JAG2: variants seen among roughly 807,000 people sequenced by gnomAD.
JAG2 encodes the protein protein jagged-2.
A neutral mutation model predicts 141.7 loss-of-function variants in JAG2; 46 were observed. The observed-to-expected ratio is 0.32, with a 90% CI of 0.26 to 0.42. JAG2 has a LOEUF of 0.42. Among genes scored for constraint, JAG2 ranks in the 10% least tolerant of loss-of-function variants. JAG2 has a pLI of 1.00. For synonymous variants in JAG2, 862 were observed against 763.5 expected, an observed-to-expected ratio of 1.13 and a Z score of -2.13; for missense variants, 1,500 against 1,817.5, an observed-to-expected ratio of 0.83 and a Z score of 3.18.
rs1888288139 is a variant in JAG2 at position 105,148,145 on chromosome 14, G to C, written c.2219C>G (p.Pro740Arg). 1.9e-6 allele frequency: 3 copies of C among 1,549,514 alleles called. No individual in the cohort carries two copies. Among genetic ancestry groups the C allele is most frequent in the African/African-American group, 1.4e-5 (1 of 73,000 alleles). ...SGDTFRCACPPGWKGSTCAVA... is the reference protein window; with the variant it reads ...SGDTFRCACPRGWKGSTCAVA... ...GGCGCAGGTGCTGCCCTTCCAGCCG[G>C]GGGGGCAGGCGCAGCGGAAGGTGTC... Residue 740 changes from proline to arginine, a missense_variant, in exon 17 of 26, where the codon CCC becomes CGC. Transcript: ENST00000331782.
At position 105,143,070 on chromosome 14, in the gene JAG2, C is replaced by A; in HGVS notation, c.3342G>T (p.Glu1114Asp). The change falls in exon 26 of 26, where the codon GAG becomes GAT. Residue 1114 changes from glutamate (E) to aspartate (D), a missense_variant. Around this residue, in one of 3 missense-constraint regions of JAG2, gnomAD observed 425 missense variants for 441.0 expected, o/e 0.96. Transcript: ENST00000331782. ...TCTCCTCCCGCGGCAGCCGGCTCCT[C>A]TCCCGCTCTTTCCTGCGCTTGCGTG... Reference protein sequence around the residue: ...WWTRKRRKERERSRLPREESA... With the variant: ...WWTRKRRKERDRSRLPREESA... 1 of 1,601,498 alleles carries A rather than the reference C, an allele frequency of 6.2e-7. No homozygotes were observed. The highest frequency in any genetic ancestry group is 2.2e-5 in the East Asian group (1 of 44,860).
intron 22 of JAG2, 26 bp from the exon 23 acceptor site, chr14:105,145,999 A>G: frequency 6.3e-7 from 1 of 1,586,030 alleles, no homozygotes; most frequent in Non-Finnish European, 8.5e-7. Flanking sequence ...CAGGAGGGTC[A>G]GGCGCAGGCG....
At chr14:105,165,375 C>T (rs1888878331) in intron 2 of JAG2, among the ~76,000 whole-genome samples, 1 of 152,238 alleles carries the variant, frequency 6.6e-6, no homozygotes, top group Non-Finnish European at 1.5e-5. Flanking sequence ...AGAATGTGGC[C>T]TCACCCTGCC....
In JAG2 at chr14:105,168,072, C is replaced by G; in HGVS notation, c.102G>C (p.Leu34=). ...ARPMGYFELQ[L]SALRNVNGEL... is the part of the protein sequence containing the mutation. ...CCCCGTTCACGTTCCGCAGCGCGCT[C>G]AGCTGCAGCTCGAAATAGCCCATGG... is the stretch of plus-strand genomic sequence containing the variant. The change falls in exon 2 of 26, where the codon CTG becomes CTC. Residue 34 remains leucine (L), a synonymous_variant. Coordinates refer to ENST00000331782, the MANE Select transcript of JAG2 (RefSeq NM_002226.5). The G allele has an allele frequency of 6.3e-7, 1 of 1,588,272 alleles. No individual in the cohort carries two copies. Among genetic ancestry groups the G allele is most frequent in the Non-Finnish European group, 8.5e-7 (1 of 1,174,994 alleles).
rs900639216 is a variant in JAG2, at chr14:105,151,644, C to T, written c.1135G>A (p.Gly379Arg). The T allele has an allele frequency of 2.5e-6, 4 of 1,607,976 alleles. No individual in the cohort carries two copies. The highest frequency in any genetic ancestry group is 3.4e-6 in the Non-Finnish European group (4 of 1,178,056). The stretch of plus-strand genomic sequence containing the variant: ...CACTCACCAAGGGCACAGGTGGGCC[C>T]GCTCCAGCCCGATGGGCAGTGGCAT... Reference protein sequence around the residue: ...FECHCPSGWSGPTCALDIDEC... With the variant: ...FECHCPSGWSRPTCALDIDEC... The change falls in exon 8 of 26, where the codon GGG becomes AGG. Residue 379 changes from glycine (G) to arginine (R), a missense_variant. Physicochemically the swap from Gly to Arg is moderately radical, Grantham distance 125. Transcript: ENST00000331782.
chr14:105,167,235 GGGCTTCTGCCGACATAAGCGTTAGGC>G lies in JAG2; in HGVS notation c.417+496_417+521del, dbSNP rs1284047270. 9.2e-5 allele frequency among the ~76,000 whole-genome samples: 14 copies of G among 152,220 alleles called. No homozygotes were observed. On this transcript the variant is annotated intron_variant, in intron 2 of 25. Transcript: ENST00000331782. The surrounding 1 kb of genome is among the most constrained non-coding windows in gnomAD (Gnocchi z 4.8). ...CTGAACGATCTTGGGTCACCATCGGGGGCTTCTGCCGACATAAGCGTTAGGCGTTAGGCTCTCCCGGGCCTAGGTCC... is the reference window on the plus strand; with the variant it reads ...CTGAACGATCTTGGGTCACCATCGGGGTTAGGCTCTCCCGGGCCTAGGTCC...
At chr14:105,162,403 C>T (rs1888774189) in intron 2 of JAG2, among the ~76,000 whole-genome samples, 1 of 151,998 alleles carries the variant, frequency 6.6e-6, no homozygotes, top group Non-Finnish European at 1.5e-5. Flanking sequence ...CAGGCAGGGG[C>T]AACAGCAGTG....
In JAG2 at chr14:105,150,728, C is replaced by A; in HGVS notation, c.1478G>T (p.Arg493Leu). Reference sequence around the variant, plus strand: ...CTCGTCTCGTTCCAGCTCGCAATGCCGGCCTCCGAAGCCCCGTGGGCACAC... The same window carrying A: ...CTCGTCTCGTTCCAGCTCGCAATGCAGGCCTCCGAAGCCCCGTGGGCACAC... Reference protein sequence around the residue: ...QCVCPRGFGGRHCELERDECA... With the variant: ...QCVCPRGFGGLHCELERDECA... Residue 493 changes from arginine (R) to leucine (L), a missense_variant, in exon 12 of 26, where the codon CGG (arginine) becomes CTG (leucine). This residue lies in a region of JAG2 where 875 missense variants were observed against 1,202.2 expected (regional missense o/e 0.73). Transcript: ENST00000331782. 6.3e-7 allele frequency: 1 copy of A among 1,577,032 alleles called. No individual in the cohort carries two copies. The highest frequency in any genetic ancestry group is 2.3e-5 in the East Asian group (1 of 43,014).
At chr14:105,150,470 C>A in intron 12 of JAG2, 134 bp downstream of exon 12, 2 of 916,278 alleles carry the variant, frequency 2.2e-6, no homozygotes, top group Non-Finnish European at 3.2e-6. Context: ...CAGTGGAGAG[C>A]TGAGCCTGGG....
intron 3 of JAG2, among the ~76,000 whole-genome samples, chr14:105,157,091 G>C (rs1888605419): frequency 6.6e-6 from 1 of 152,074 alleles, no homozygotes; most frequent in Non-Finnish European, 1.5e-5. Context: ...AGATTCACGT[G>C]GCAGCTCCTC....
In JAG2 at chr14:105,167,258, AG is replaced by A. The variant is rs1888943130; in HGVS notation, c.417+498del. On this transcript the variant is annotated intron_variant, in intron 2 of 25. Coordinates refer to ENST00000331782, the MANE Select transcript of JAG2 (RefSeq NM_002226.5). This position sits in a 1 kb window ranked among gnomAD's most constrained non-coding sequence, Gnocchi z 4.8. ...GGGGGCTTCTGCCGACATAAGCGTT[AG>A]GCGTTAGGCTCTCCCGGGCCTAGGT... Among the ~76,000 whole-genome samples, 1 of 152,176 alleles carries A rather than the reference AG, an allele frequency of 6.6e-6. No homozygotes were observed. The highest frequency in any genetic ancestry group is 1.5e-5 in the Non-Finnish European group (1 of 68,016).
chr14:105,152,344 G>A, intron 5 of JAG2, 53 bp from the exon 6 acceptor site: 1 of 1,590,270 alleles, frequency 6.3e-7, no homozygotes, highest in Non-Finnish European at 8.6e-7. Flanking sequence ...GCCTGAAAGG[G>A]TGGCAGGGGA....
rs1888132092 is a variant in JAG2, at chr14:105,143,614, G to A, written c.3109C>T (p.Pro1037Ser). 1.2e-6 allele frequency: 2 copies of A among 1,607,988 alleles called. No homozygotes were observed. The highest frequency in any genetic ancestry group is 1.3e-5 in the African/African-American group (1 of 74,924). ...GCGCCCTGGATCAGGCTGCTGTCAG[G>A]CAGGTCCCTGGCAGGGCTGAAGGAC... ...AVSFSPARDL[P>S]DSSLIQGAAH... Residue 1037 changes from proline (P) to serine (S), a missense_variant, in exon 25 of 26, where the codon CCT (proline) becomes TCT (serine). Coordinates refer to ENST00000331782, the MANE Select transcript of JAG2 (RefSeq NM_002226.5).
intron 24 of JAG2, 54 bp downstream of exon 24, chr14:105,144,876 G>A: frequency 6.3e-7 from 1 of 1,581,502 alleles, no homozygotes; most frequent in South Asian, 1.1e-5. Flanking sequence ...GCCAGGACCT[G>A]CATAGTACGG....
In JAG2 at chr14:105,147,543, A is replaced by G. The variant is rs754042172; in HGVS notation, c.2366-16T>C. ...TCGTTGGTATCTGGTTTGGGAGAAG[A>G]GAACGCAGGGGATCAGTACCCACCC... On this transcript the variant is annotated splice_polypyrimidine_tract_variant and intron_variant, in intron 18 of 25. Coordinates refer to ENST00000331782, the MANE Select transcript of JAG2 (RefSeq NM_002226.5). 1 of 1,610,914 alleles carries G rather than the reference A, an allele frequency of 6.2e-7. No individual in the cohort carries two copies. The highest frequency in any genetic ancestry group is 1.1e-5 in the South Asian group (1 of 91,050).
Position 105,148,809 on chromosome 14 carries a change from G to A in JAG2, c.1956C>T (p.Ile652=), listed in dbSNP as rs775456413. The change falls in exon 15 of 26, where the codon ATC becomes ATT. Residue 652 remains isoleucine, a synonymous_variant. Coordinates refer to ENST00000331782, the MANE Select transcript of JAG2 (RefSeq NM_002226.5). ...GQPCRNGGTC[I]DEVDAFRCFC... ...AGCAGCGGAAGGCGTCCACCTCATCGATGCATGTGCCCCCATTGCGGCAGG... is the reference window on the plus strand; with the variant it reads ...AGCAGCGGAAGGCGTCCACCTCATCAATGCATGTGCCCCCATTGCGGCAGG... 1.3e-5 allele frequency: 21 copies of A among 1,598,876 alleles called. No individual in the cohort carries two copies. In the Admixed American group the frequency reaches 1.4e-4, roughly 10 times the overall value.
chr14:105,148,677 T>A (rs587649970), intron 15 of JAG2, 68 bp downstream of exon 15: 11 of 1,359,964 alleles, frequency 8.1e-6, no homozygotes, highest in Non-Finnish European at 9.2e-6. Flanking sequence ...CAGCGGTCCA[T>A]CTCAGGGTGA....
At chr14:105,151,554 C>A in intron 8 of JAG2, 72 bp downstream of exon 8, 1 of 1,385,240 alleles carries the variant, frequency 7.2e-7, no homozygotes. Flanking sequence ...ACCCCATCCC[C>A]AGCGAGTTGC....
intron 5 of JAG2, 81 bp downstream of exon 5, chr14:105,155,481 C>A: frequency 6.5e-7 from 1 of 1,532,264 alleles, no homozygotes; most frequent in Non-Finnish European, 9.0e-7. Context: ...CCGGGCGACT[C>A]CTGACAGCAA....
Sources: gnomAD v4.1 joint callset for allele counts (sites outside exome capture counted in the v4.1 genomes callset) on GRCh38, gnomAD v4.1.1 for gene constraint, gnomAD v4.1.1 regional missense constraint, Gnocchi (gnomAD v3.1) non-coding constraint, MANE v1.5 for transcripts, NCBI Gene and HGNC (gene_info 2026-07-23, HGNC 2026-07-21) for gene names.